Variants in GP5 observed in about 807,000 individuals in gnomAD.
GP5 encodes platelet glycoprotein V.
For missense variants in GP5, 755 were observed against 737.1 expected, an observed-to-expected ratio of 1.02 and a Z score of -0.28; for synonymous variants, 382 against 353.9, an observed-to-expected ratio of 1.08 and a Z score of -0.89.
At position 194,396,511 on chromosome 3, in the gene GP5, G is replaced by T. The variant is rs1037141464; in HGVS notation, c.*89C>A. 5.9e-6 allele frequency: 6 copies of T among 1,015,762 alleles called. No individual in the cohort carries two copies. Among genetic ancestry groups the T allele is most frequent in the South Asian group, 4.9e-5 (3 of 60,824 alleles). 62.9% of individuals were successfully genotyped at this position (1,015,762 alleles called of 1,614,324 possible). The stretch of plus-strand genomic sequence containing the variant: ...GAAGAAGAGAGGAGGAGTGGGGAGG[G>T]GAGGGAGAGCAAGACAGCAGCGGGT... On this transcript the variant is annotated 3_prime_UTR_variant, in exon 2 of 2. Coordinates refer to ENST00000692618, the MANE Select transcript of GP5 (RefSeq NM_004488.2).
chr3:194,398,095 C>T lies in GP5; in HGVS notation c.188G>A (p.Gly63Asp). 11 of 1,613,804 alleles carry T rather than the reference C, an allele frequency of 6.8e-6. No homozygotes were observed. Among genetic ancestry groups the T allele is most frequent in the South Asian group, 1.1e-5 (1 of 91,078 alleles). The change falls in exon 2 of 2, where the codon GGC becomes GAC. Residue 63 changes from glycine (G) to aspartate (D), a missense_variant. By Grantham distance (94) the Gly-to-Asp change is moderately conservative (BLOSUM62 -1). Transcript: ENST00000692618. ...THILLFGMGR[G>D]VLQSQSFSGM... ...GCTGAAGCTCTGGCTCTGCAGGACG[C>T]CGCGGCCCATTCCGAAGAGCAGGAT...
rs1714437922 is a variant in GP5, at chr3:194,395,862, A to C, written c.*738T>G. On this transcript the variant is annotated 3_prime_UTR_variant, in exon 2 of 2. Coordinates refer to ENST00000692618, the MANE Select transcript of GP5 (RefSeq NM_004488.2). ...GAGATCAGCCAGGCCAATATGGCAAAGCCCCGTCTCTACTTTAAAAAGTAC... is the reference window on the plus strand; with the variant it reads ...GAGATCAGCCAGGCCAATATGGCAACGCCCCGTCTCTACTTTAAAAAGTAC... 1 of 152,324 alleles carries C rather than the reference A, an allele frequency of 6.6e-6. No individual in the cohort carries two copies. The highest frequency in any genetic ancestry group is 6.5e-5 in the Admixed American group (1 of 15,288). 9.4% of individuals were successfully genotyped at this position (152,324 alleles called of 1,614,324 possible).
Position 194,395,364 on chromosome 3 carries a change from T to C in GP5, c.*1236A>G, listed in dbSNP as rs780501917. 9 of 152,230 alleles carry C rather than the reference T, an allele frequency of 5.9e-5. No individual in the cohort carries two copies. 9.4% of individuals were successfully genotyped at this position (152,230 alleles called of 1,614,324 possible). On this transcript the variant is annotated 3_prime_UTR_variant, in exon 2 of 2. Coordinates refer to ENST00000692618, the MANE Select transcript of GP5 (RefSeq NM_004488.2). ...GACTGTGACAGCAGCTGAACTAGAA[T>C]CAAGCTTATCATTATATTCATGAAT...
At position 194,397,343 on chromosome 3, in the gene GP5, T is replaced by C. The variant is rs766423838; in HGVS notation, c.940A>G (p.Ser314Gly). 1.2e-6 allele frequency: 2 copies of C among 1,602,074 alleles called. No individual in the cohort carries two copies. The highest frequency in any genetic ancestry group is 2.7e-5 in the African/African-American group (2 of 74,882). Reference protein sequence around the residue: ...TLPAAAFRNLSRLRYLGVTLS... With the variant: ...TLPAAAFRNLGRLRYLGVTLS... ...GTCACCCCTAAGTACCGCAGGCGGC[T>C]CAGGTTGCGGAAGGCGGCGGCGGGC... is the stretch of plus-strand genomic sequence containing the variant. The change falls in exon 2 of 2, where the codon AGC (serine) becomes GGC (glycine). Residue 314 changes from serine (S) to glycine (G), a missense_variant. Ser to Gly is a moderately conservative substitution (Grantham distance 56, BLOSUM62 0). Coordinates refer to ENST00000692618, the MANE Select transcript of GP5 (RefSeq NM_004488.2). This position sits in a 1 kb window ranked among gnomAD's most constrained non-coding sequence, Gnocchi z 7.2.
In GP5 at chr3:194,397,476, A is replaced by T. The variant is rs1266491113; in HGVS notation, c.807T>A (p.Thr269=). ...SALFLHSHNL[T]LLTLFENPLA... is the part of the protein sequence containing the mutation. ...GCGGGTTCTCGAACAGAGTCAACAG[A>T]GTCAGATTGTGCGAATGAAGAAAGA... is the stretch of plus-strand genomic sequence containing the variant. The change falls in exon 2 of 2, where the codon ACT becomes ACA. Residue 269 remains threonine, a synonymous_variant. Coordinates refer to ENST00000692618, the MANE Select transcript of GP5 (RefSeq NM_004488.2). The surrounding 1 kb of genome is among the most constrained non-coding windows in gnomAD (Gnocchi z 7.2). The T allele has an allele frequency of 2.5e-6, 4 of 1,613,674 alleles. No homozygotes were observed. The highest frequency in any genetic ancestry group is 3.4e-6 in the Non-Finnish European group (4 of 1,179,976).
In GP5 at chr3:194,397,270, A is replaced by G; in HGVS notation, c.1013T>C (p.Leu338Pro). 6.3e-7 allele frequency: 1 copy of G among 1,579,106 alleles called. No individual in the cohort carries two copies. Among genetic ancestry groups the G allele is most frequent in the East Asian group, 2.3e-5 (1 of 44,118 alleles). The change falls in exon 2 of 2, where the codon CTT becomes CCT. Residue 338 changes from leucine to proline, a missense_variant. Leu to Pro is a moderately conservative substitution (Grantham distance 98). Coordinates refer to ENST00000692618, the MANE Select transcript of GP5 (RefSeq NM_004488.2). The surrounding 1 kb of genome is among the most constrained non-coding windows in gnomAD (Gnocchi z 7.2). Reference sequence around the variant, plus strand: ...CAGGGCGAGCACCTGGAGCTCGCCAAGGCCCTGGAAGGCGCCCTGCGGAAG... The same window carrying G: ...CAGGGCGAGCACCTGGAGCTCGCCAGGGCCCTGGAAGGCGCCCTGCGGAAG... The part of the protein sequence containing the change: ...SALPQGAFQG[L>P]GELQVLALHS...
chr3:194,397,033 A>T lies in GP5; in HGVS notation c.1250T>A (p.Leu417Gln). The change falls in exon 2 of 2, where the codon CTG becomes CAG. Residue 417 changes from leucine to glutamine, a missense_variant. Coordinates refer to ENST00000692618, the MANE Select transcript of GP5 (RefSeq NM_004488.2). The surrounding 1 kb of genome is among the most constrained non-coding windows in gnomAD (Gnocchi z 7.2). ...GCAGCGCCAGGAGTTGTGCCCCAAC[A>T]GGACCTCCGTCAGCCGGGGCAGAGC... ...FGALPRLTEV[L>Q]LGHNSWRCDC... 5 of 1,597,672 alleles carry T rather than the reference A, an allele frequency of 3.1e-6. No individual in the cohort carries two copies. The highest frequency in any genetic ancestry group is 1.1e-5 in the South Asian group (1 of 90,584).
rs1304110964 is a variant in GP5 at position 194,398,284 on chromosome 3, T to C, written c.-2A>G. 9 of 1,590,256 alleles carry C rather than the reference T, an allele frequency of 5.7e-6. No homozygotes were observed. In the African/African-American group the frequency reaches 9.4e-5, roughly 17 times the overall value. ...GCACAGTAGAGTCCCCCTCAGCATG[T>C]CTGAAAAAGCAACCGTGGGAGTGTG... is the stretch of plus-strand genomic sequence containing the variant. On this transcript the variant is annotated splice_region_variant and 5_prime_UTR_variant, in exon 2 of 2. Coordinates refer to ENST00000692618, the MANE Select transcript of GP5 (RefSeq NM_004488.2).
Position 194,396,485 on chromosome 3 carries a change from GGAA to G in GP5, c.*112_*114del, listed in dbSNP as rs1714455368. Reference sequence around the variant, plus strand: ...GAAGGCGTGGCAGTGAGAGAGAAGAGGAAGAAGAGAGGAGGAGTGGGGAGGGGA... The same window carrying G: ...GAAGGCGTGGCAGTGAGAGAGAAGAGGAAGAGAGGAGGAGTGGGGAGGGGA... On this transcript the variant is annotated 3_prime_UTR_variant, in exon 2 of 2. Coordinates refer to ENST00000692618, the MANE Select transcript of GP5 (RefSeq NM_004488.2). 3 of 763,406 alleles carry G rather than the reference GGAA, an allele frequency of 3.9e-6. No homozygotes were observed. Among genetic ancestry groups the G allele is most frequent in the Admixed American group, 4.6e-5 (2 of 43,366 alleles). The allele number at this position is 763,406 out of a possible 1,614,324, so 47.3% of individuals were successfully genotyped here. A position where few individuals can be genotyped will look rare whatever the true frequency, so the allele number is the denominator to read the frequency against.
In GP5 at chr3:194,397,020, G is replaced by T. The variant is rs1363534745; in HGVS notation, c.1263C>A (p.Asn421Lys). 6.3e-7 allele frequency: 1 copy of T among 1,597,646 alleles called. No homozygotes were observed. Among genetic ancestry groups the T allele is most frequent in the Admixed American group, 1.7e-5 (1 of 59,766 alleles). The change falls in exon 2 of 2, where the codon AAC becomes AAA. Residue 421 changes from asparagine (N) to lysine (K), a missense_variant. By Grantham distance (94) the Asn-to-Lys change is moderately conservative. Coordinates refer to ENST00000692618, the MANE Select transcript of GP5 (RefSeq NM_004488.2). The surrounding 1 kb of genome is among the most constrained non-coding windows in gnomAD (Gnocchi z 7.2). The part of the protein sequence containing the change: ...PRLTEVLLGH[N>K]SWRCDCGLGP... ...CCAGGCCACAGTCGCAGCGCCAGGAGTTGTGCCCCAACAGGACCTCCGTCA... is the reference window on the plus strand; with the variant it reads ...CCAGGCCACAGTCGCAGCGCCAGGATTTGTGCCCCAACAGGACCTCCGTCA...
rs1282988444 is a variant in GP5, at chr3:194,398,049, G to A, written c.234C>T (p.Arg78=). 2 of 1,613,986 alleles carry A rather than the reference G, an allele frequency of 1.2e-6. No individual in the cohort carries two copies. The highest frequency in any genetic ancestry group is 2.7e-5 in the African/African-American group (2 of 74,936). Residue 78 remains arginine (R), a synonymous_variant, in exon 2 of 2, where the codon CGC becomes CGT. Transcript: ENST00000692618. ...QSFSGMTVLQ[R]LMISDSHISA... is the part of the protein sequence containing the mutation. ...AAATGTGGCTGTCGGAGATCATGAG[G>A]CGCTGCAGGACGGTCATGCCGCTGA...
Position 194,398,051 on chromosome 3 carries a change from G to T in GP5, c.232C>A (p.Arg78Ser). Residue 78 changes from arginine (R) to serine (S), a missense_variant, in exon 2 of 2, where the codon CGC becomes AGC. Coordinates refer to ENST00000692618, the MANE Select transcript of GP5 (RefSeq NM_004488.2). ...QSFSGMTVLQ[R>S]LMISDSHISA... is the part of the protein sequence containing the mutation. ...ATGTGGCTGTCGGAGATCATGAGGC[G>T]CTGCAGGACGGTCATGCCGCTGAAG... The T allele has an allele frequency of 2.5e-6, 4 of 1,614,004 alleles. No homozygotes were observed. Among genetic ancestry groups the T allele is most frequent in the Non-Finnish European group, 3.4e-6 (4 of 1,179,952 alleles).
rs201748538 is a variant in GP5, at chr3:194,398,009, C to G, written c.274G>C (p.Gly92Arg). 2 of 1,614,044 alleles carry G rather than the reference C, an allele frequency of 1.2e-6. No individual in the cohort carries two copies. Among genetic ancestry groups the G allele is most frequent in the Non-Finnish European group, 1.7e-6 (2 of 1,179,964 alleles). ...AGTTTTATCAGGTCACTGAAGGTGC[C>G]GGGGGCAACGGCGGAAATGTGGCTG... is the stretch of plus-strand genomic sequence containing the variant. ...SDSHISAVAP[G>R]TFSDLIKLKT... The change falls in exon 2 of 2, where the codon GGC becomes CGC. Residue 92 changes from glycine to arginine, a missense_variant. Physicochemically the swap from Gly to Arg is moderately radical, Grantham distance 125. Coordinates refer to ENST00000692618, the MANE Select transcript of GP5 (RefSeq NM_004488.2).
rs1469051333 is a variant in GP5, at chr3:194,397,269, A to G, written c.1014T>C (p.Leu338=). The part of the protein sequence containing the change: ...SALPQGAFQG[L]GELQVLALHS... ...GCAGGGCGAGCACCTGGAGCTCGCCAAGGCCCTGGAAGGCGCCCTGCGGAA... is the reference window on the plus strand; with the variant it reads ...GCAGGGCGAGCACCTGGAGCTCGCCGAGGCCCTGGAAGGCGCCCTGCGGAA... The change falls in exon 2 of 2, where the codon CTT becomes CTC. Residue 338 remains leucine (L), a synonymous_variant. Transcript: ENST00000692618. The surrounding 1 kb of genome is among the most constrained non-coding windows in gnomAD (Gnocchi z 7.2). 6.3e-7 allele frequency: 1 copy of G among 1,578,630 alleles called. No individual in the cohort carries two copies. The highest frequency in any genetic ancestry group is 1.7e-5 in the Admixed American group (1 of 57,156).
At position 194,397,396 on chromosome 3, in the gene GP5, C is replaced by T. The variant is rs747810611; in HGVS notation, c.887G>A (p.Trp296Ter). 9 of 1,612,344 alleles carry T rather than the reference C, an allele frequency of 5.6e-6. No homozygotes were observed. Among genetic ancestry groups the T allele is most frequent in the Non-Finnish European group, 7.6e-6 (9 of 1,179,930 alleles). Residue 296 changes from tryptophan to a stop codon, truncating the protein, a stop_gained, in exon 2 of 2, where the codon TGG (tryptophan) becomes TAG (stop). Coordinates refer to ENST00000692618, the MANE Select transcript of GP5 (RefSeq NM_004488.2). LOFTEE classifies it low-confidence loss of function (END_TRUNC). This position sits in a 1 kb window ranked among gnomAD's most constrained non-coding sequence, Gnocchi z 7.2. ...GGTGCGCAGCTGGGTGCGGTTCAGCCACAGCTCCTGCAGGCCCCCCATCTC... is the reference window on the plus strand; with the variant it reads ...GGTGCGCAGCTGGGTGCGGTTCAGCTACAGCTCCTGCAGGCCCCCCATCTC... Reference protein sequence around the residue: ...FGEMGGLQELWLNRTQLRTLP... With the variant: ...FGEMGGLQEL
Position 194,398,045 on chromosome 3 carries a change from T to G in GP5, c.238A>C (p.Met80Leu), listed in dbSNP as rs770204579. The part of the protein sequence containing the change: ...FSGMTVLQRL[M>L]ISDSHISAVA... ...GCGGAAATGTGGCTGTCGGAGATCA[T>G]GAGGCGCTGCAGGACGGTCATGCCG... The change falls in exon 2 of 2, where the codon ATG becomes CTG. Residue 80 changes from methionine to leucine, a missense_variant. Met to Leu is a conservative substitution (Grantham distance 15, BLOSUM62 2). Transcript: ENST00000692618. 2.5e-6 allele frequency: 4 copies of G among 1,614,040 alleles called. No homozygotes were observed. The highest frequency in any genetic ancestry group is 3.4e-6 in the Non-Finnish European group (4 of 1,179,992).
In GP5 at chr3:194,397,097, G is replaced by T; in HGVS notation, c.1186C>A (p.His396Asn). The T allele has an allele frequency of 6.3e-7, 1 of 1,593,668 alleles. No individual in the cohort carries two copies. The highest frequency in any genetic ancestry group is 2.2e-5 in the East Asian group (1 of 44,670). ...CCAGGCAGGGTCTCCAGCTGGTTGT[G>T]GTCGAGCTGGACGCTCTCCAGGCTG... The part of the protein sequence containing the change: ...LSSLESVQLD[H>N]NQLETLPGDV... Residue 396 changes from histidine to asparagine, a missense_variant, in exon 2 of 2, where the codon CAC becomes AAC. Coordinates refer to ENST00000692618, the MANE Select transcript of GP5 (RefSeq NM_004488.2). This position sits in a 1 kb window ranked among gnomAD's most constrained non-coding sequence, Gnocchi z 7.2.
In GP5 at chr3:194,397,169, G is replaced by T; in HGVS notation, c.1114C>A (p.Arg372Ser). 6.3e-7 allele frequency: 1 copy of T among 1,578,708 alleles called. No homozygotes were observed. Among genetic ancestry groups the T allele is most frequent in the Non-Finnish European group, 8.5e-7 (1 of 1,170,464 alleles). Reference sequence around the variant, plus strand: ...CGGGGCAGGGCGCGCAGCCTGTTGCGGCGCAGGGACACCTGGCGCAGCTTG... The same window carrying T: ...CGGGGCAGGGCGCGCAGCCTGTTGCTGCGCAGGGACACCTGGCGCAGCTTG... ...LGKLRQVSLR[R>S]NRLRALPRAL... Residue 372 changes from arginine to serine, a missense_variant, in exon 2 of 2, where the codon CGC becomes AGC. Coordinates refer to ENST00000692618, the MANE Select transcript of GP5 (RefSeq NM_004488.2). This position sits in a 1 kb window ranked among gnomAD's most constrained non-coding sequence, Gnocchi z 7.2.
chr3:194,396,585 G>T lies in GP5; in HGVS notation c.*15C>A, dbSNP rs753182459. 2 of 1,587,060 alleles carry T rather than the reference G, an allele frequency of 1.3e-6. No homozygotes were observed. The highest frequency in any genetic ancestry group is 2.3e-5 in the South Asian group (2 of 86,502). ...CTGGTCAGGTTCTAAGTAATTAGAAGATTTTCCCATTGGTTTACCCAAGGG... is the reference window on the plus strand; with the variant it reads ...CTGGTCAGGTTCTAAGTAATTAGAATATTTTCCCATTGGTTTACCCAAGGG... On this transcript the variant is annotated 3_prime_UTR_variant, in exon 2 of 2. Transcript: ENST00000692618.
Sources: allele counts gnomAD v4.1 joint callset, GRCh38; gene constraint gnomAD v4.1.1; non-coding constraint Gnocchi (gnomAD v3.1); transcripts MANE v1.5; gene names NCBI Gene and HGNC (gene_info 2026-07-23, HGNC 2026-07-21).